Variants in GINS1 observed in about 807,000 individuals in gnomAD.
GINS1 encodes the protein DNA replication complex GINS protein PSF1.
GINS1 carries 26 observed loss-of-function variants against 34.9 expected under a neutral mutation model. The ratio of observed to expected loss-of-function variants is 0.74; its 90% confidence interval spans 0.55 to 1.03. The LOEUF (loss-of-function observed/expected upper bound fraction) is 1.03, where lower values mean the gene tolerates loss of function less well. GINS1 is among the 50% of genes least tolerant of loss of function. The pLI is 0.00. For missense variants in GINS1, 235 were observed against 237.9 expected (o/e 0.99, Z 0.08); for synonymous variants, 97 against 84.4 (o/e 1.15, Z -0.82).
chr20:25,417,289 A>G lies in GINS1; in HGVS notation c.239+87A>G, dbSNP rs1192718204. On this transcript the variant is annotated intron_variant, in intron 3 of 6. Coordinates refer to ENST00000262460, the MANE Select transcript of GINS1 (RefSeq NM_021067.5). Reference sequence around the variant, plus strand: ...TCTCAAATGGGTAACATGAAATCTTAGATCTCTCTCTCTTTGTAAGCATTC... The same window carrying G: ...TCTCAAATGGGTAACATGAAATCTTGGATCTCTCTCTCTTTGTAAGCATTC... The G allele has an allele frequency of 4.2e-6, 3 of 713,766 alleles. No individual in the cohort carries two copies. In the African/African-American group the frequency reaches 5.5e-5, roughly 13 times the overall value. 44.2% of individuals were successfully genotyped at this position (713,766 alleles called of 1,614,324 possible). A position where few individuals can be genotyped will look rare whatever the true frequency, so the allele number is the denominator to read the frequency against.
intron 2 of GINS1, among the ~76,000 whole-genome samples, chr20:25,414,715 A>G (rs1380516588): frequency 6.6e-6 from 1 of 152,178 alleles, no homozygotes; most frequent in African/African-American, 2.4e-5. Flanking sequence ...AATAATAAAT[A>G]AAAATAAAAA....
intron 1 of GINS1, among the ~76,000 whole-genome samples, chr20:25,412,460 C>T (rs927693996): frequency 1.4e-4 from 22 of 151,872 alleles, no homozygotes; most frequent in African/African-American, 5.3e-4. Flanking sequence ...GAGGCTGAGA[C>T]AGGAGAATTG....
chr20:25,438,295 T>TA (rs992224186), intron 5 of GINS1, among the ~76,000 whole-genome samples: 42 of 151,978 alleles, frequency 2.8e-4, no homozygotes, highest in African/African-American at 9.9e-4. Context: ...ATTAAAAATG[T>TA]ACGAACTGAG....
At chr20:25,415,659 T>A (rs1428658576) in intron 2 of GINS1, among the ~76,000 whole-genome samples, 1 of 138,216 alleles carries the variant, frequency 7.2e-6, no homozygotes, top group East Asian at 2.1e-4. Context: ...CACTCCAGCT[T>A]GGGCAACAAT....
intron 5 of GINS1, among the ~76,000 whole-genome samples, chr20:25,436,415 T>A (rs2090455084): frequency 6.6e-6 from 1 of 152,186 alleles, no homozygotes. Context: ...CTTCAAAAAT[T>A]CTCTCTGCCC....
rs35305107 is a variant in GINS1 at position 25,438,512 on chromosome 20, CTTTTT to C, written c.448-3168_448-3164del. On this transcript the variant is annotated intron_variant, in intron 5 of 6. Coordinates refer to ENST00000262460, the MANE Select transcript of GINS1 (RefSeq NM_021067.5). ...TGCATAATGACACCAAAGAACAACA[CTTTTT>C]TTTTTTTTTTTTTTTTTTTTTGAGG... Among the ~76,000 whole-genome samples the C allele has an allele frequency of 9.8e-3, 665 of 68,008 alleles. 4 individuals carry two copies. The highest frequency in any genetic ancestry group is 0.028 in the African/African-American group (443 of 15,690). 44.6% of individuals were successfully genotyped at this position (68,008 alleles called of 152,430 possible). A position where few individuals can be genotyped will look rare whatever the true frequency, so the allele number is the denominator to read the frequency against.
intron 3 of GINS1, 123 bp from the exon 4 acceptor site, chr20:25,417,982 G>A (rs2090331843): frequency 2.8e-6 from 2 of 713,498 alleles, no homozygotes; most frequent in Non-Finnish European, 5.2e-6. Flanking sequence ...CTGTGTTCAT[G>A]TTCTTCTTGT....
chr20:25,426,800 CAGGTGTG>C (rs2090393894), intron 5 of GINS1, among the ~76,000 whole-genome samples: 1 of 152,114 alleles, frequency 6.6e-6, no homozygotes, highest in African/African-American at 2.4e-5. Flanking sequence ...GCTGCGATTA[CAGGTGTG>C]AGCCACTGCG....
chr20:25,445,765 G>A (rs1252160054), intron 6 of GINS1, among the ~76,000 whole-genome samples, 158 bp from the exon 7 acceptor site: 2 of 152,206 alleles, frequency 1.3e-5, no homozygotes, highest in South Asian at 2.1e-4. Flanking sequence ...TTTCAGGCAT[G>A]AGCCACCGTA....
At chr20:25,438,672 C>T (rs1013393779) in intron 5 of GINS1, among the ~76,000 whole-genome samples, 2 of 151,954 alleles carry the variant, frequency 1.3e-5, no homozygotes, top group African/African-American at 4.8e-5. Context: ...CTCCCAGGCT[C>T]AAGCCATCCT....
chr20:25,443,980 T>TCATCTATCTATC (rs2090496781), intron 6 of GINS1, among the ~76,000 whole-genome samples: 1 of 142,802 alleles, frequency 7.0e-6, no homozygotes, highest in Non-Finnish European at 1.5e-5. Flanking sequence ...TAGGAAACAT[T>TCATCTATCTATC]TATCTATCTA....
At chr20:25,425,151 A>T (rs2090383414) in intron 4 of GINS1, 60 bp from the exon 5 acceptor site, 1 of 763,500 alleles carries the variant, frequency 1.3e-6, no homozygotes, top group African/African-American at 1.7e-5. Context: ...CGAATGGATG[A>T]TATTCAGTGT....
At chr20:25,426,951 A>G (rs563274869) in intron 5 of GINS1, among the ~76,000 whole-genome samples, 2 of 152,178 alleles carry the variant, frequency 1.3e-5, no homozygotes, top group African/African-American at 4.8e-5. Flanking sequence ...TTTATGATCA[A>G]TGCTGCTATG....
intron 5 of GINS1, among the ~76,000 whole-genome samples, chr20:25,428,646 C>T (rs1173180975): frequency 4.6e-5 from 7 of 151,792 alleles, no homozygotes; most frequent in South Asian, 4.2e-4. Context: ...CCTTGTGATC[C>T]GCCCACCTCG....
rs778204667 is a variant in GINS1, at chr20:25,441,681, ATC to A, written c.448-16_448-15del. 10 of 1,284,312 alleles carry A rather than the reference ATC, an allele frequency of 7.8e-6. No homozygotes were observed. The highest frequency in any genetic ancestry group is 1.1e-5 in the Non-Finnish European group (10 of 897,346). The allele number at this position is 1,284,312 out of a possible 1,614,324, so 79.6% of individuals were successfully genotyped here. A position where few individuals can be genotyped will look rare whatever the true frequency, so the allele number is the denominator to read the frequency against. Reference sequence around the variant, plus strand: ...TATTAAAAACTAATTTAGATAAAACATCTCTCATTTTTTCTTTCAGGTCCGGT... The same window carrying A: ...TATTAAAAACTAATTTAGATAAAACATCTCATTTTTTCTTTCAGGTCCGGT... On this transcript the variant is annotated intron_variant, in intron 5 of 6. Coordinates refer to ENST00000262460, the MANE Select transcript of GINS1 (RefSeq NM_021067.5).
chr20:25,424,093 A>G (rs756659373), intron 4 of GINS1, among the ~76,000 whole-genome samples: 5 of 152,170 alleles, frequency 3.3e-5, no homozygotes, highest in Admixed American at 2.6e-4. Context: ...GCATGGTGCC[A>G]CCTTTGTCAT....
intron 5 of GINS1, among the ~76,000 whole-genome samples, chr20:25,434,807 T>G (rs2090445646): frequency 6.6e-6 from 1 of 152,216 alleles, no homozygotes; most frequent in Non-Finnish European, 1.5e-5. Context: ...CAGATTCATT[T>G]GTCTTCTGTG....
At chr20:25,422,632 A>G (rs1184857914) in intron 4 of GINS1, among the ~76,000 whole-genome samples, 2 of 152,094 alleles carry the variant, frequency 1.3e-5, no homozygotes, top group African/African-American at 4.8e-5. Context: ...CTAAGCATGC[A>G]TTTCTAAACA....
At chr20:25,414,438 C>CGGGG (rs1278734898) in intron 2 of GINS1, among the ~76,000 whole-genome samples, 4 of 152,020 alleles carry the variant, frequency 2.6e-5, no homozygotes, top group Non-Finnish European at 4.4e-5. Flanking sequence ...AGGCTGGACA[C>CGGGG]GGTGGCTCAT....
Sources: gnomAD v4.1 joint callset for allele counts (sites outside exome capture counted in the v4.1 genomes callset) on GRCh38, gnomAD v4.1.1 for gene constraint, MANE v1.5 for transcripts, NCBI Gene and HGNC (gene_info 2026-07-23, HGNC 2026-07-21) for gene names.